The following TACR2 variants were observed in gnomAD, a reference collection of about 807,000 sequenced individuals.
TACR2 encodes the protein substance-K receptor.
A neutral mutation model predicts 28.9 loss-of-function variants in TACR2; 24 were observed. The observed-to-expected ratio is 0.83, with a 90% CI of 0.60 to 1.17. The LOEUF is 1.17. TACR2 is among the 50% of genes most tolerant of loss of function. TACR2 has a pLI of 0.00. For missense variants in TACR2, 487 were observed against 524.4 expected (o/e 0.93, Z 0.70); for synonymous variants, 222 against 212.6 (o/e 1.04, Z -0.38).
chr10:69,408,071 T>C (rs78887469), intron 3 of TACR2, among the ~76,000 whole-genome samples: 6,583 of 151,924 alleles, frequency 0.043, 411 homozygotes, highest in African/African-American at 0.14. Context: ...TGTTGCCTGG[T>C]AGGAAGGGGG....
chr10:69,406,055 C>T (rs940922331), intron 4 of TACR2, among the ~76,000 whole-genome samples: 1 of 152,180 alleles, frequency 6.6e-6, no homozygotes, highest in African/African-American at 2.4e-5. Context: ...AGAGTTCTGG[C>T]CTCCTGCAAA....
intron 2 of TACR2, among the ~76,000 whole-genome samples, chr10:69,409,751 C>A (rs941417040): frequency 1.3e-5 from 2 of 151,266 alleles, no homozygotes; most frequent in African/African-American, 4.9e-5. Flanking sequence ...CAGTATATAT[C>A]TATATAGAGA....
At chr10:69,413,349 T>G (rs563193944) in intron 2 of TACR2, among the ~76,000 whole-genome samples, 2 of 152,212 alleles carry the variant, frequency 1.3e-5, no homozygotes, top group African/African-American at 4.8e-5. Context: ...CCGCCTGTTT[T>G]TCCCAGTCGC....
At chr10:69,415,861 A>C in intron 1 of TACR2, 71 bp downstream of exon 1, 1 of 1,544,378 alleles carries the variant, frequency 6.5e-7, no homozygotes, top group Non-Finnish European at 8.8e-7. Context: ...AATCACAGGC[A>C]TGTCACCACC....
chr10:69,415,917 C>A lies in TACR2; in HGVS notation c.392+15G>T. The A allele has an allele frequency of 1.2e-6, 2 of 1,609,262 alleles. No individual in the cohort carries two copies. The highest frequency in any genetic ancestry group is 2.2e-5 in the South Asian group (2 of 90,820). On this transcript the variant is annotated intron_variant, in intron 1 of 4. Transcript: ENST00000373306. ...GTGGGGAGGCTCCCCCCAGCTTCCC[C>A]AAGGACCCTCTTGCCTGTCGGCAGC...
chr10:69,408,657 C>T (rs571826745), intron 3 of TACR2, among the ~76,000 whole-genome samples: 99 of 152,310 alleles, frequency 6.5e-4, no homozygotes, highest in Non-Finnish European at 1.2e-3. Flanking sequence ...ATCCGCCCGG[C>T]TGGGAGGAAC....
At chr10:69,405,767 G>A (rs1378906774) in intron 4 of TACR2, among the ~76,000 whole-genome samples, 1 of 152,192 alleles carries the variant, frequency 6.6e-6, no homozygotes, top group Non-Finnish European at 1.5e-5. Flanking sequence ...TCTCCCTTGG[G>A]TAGCAGGAGA....
In TACR2 at chr10:69,408,955, A is replaced by C; in HGVS notation, c.708T>G (p.Gly236=). Residue 236 remains glycine, a synonymous_variant, in exon 3 of 5, where the codon GGT becomes GGG. Coordinates refer to ENST00000373306, the MANE Select transcript of TACR2 (RefSeq NM_001057.3). ...TGGCCTGCAGGTGGCGCAGGTTGGCACCGTGCGCCTGATGTCCGGGCACTG... is the reference window on the plus strand; with the variant it reads ...TGGCCTGCAGGTGGCGCAGGTTGGCCCCGTGCGCCTGATGTCCGGGCACTG... ...RRAVPGHQAH[G]ANLRHLQAMK... is the part of the protein sequence containing the mutation. 6.3e-7 allele frequency: 1 copy of C among 1,583,588 alleles called. No homozygotes were observed. Among genetic ancestry groups the C allele is most frequent in the Non-Finnish European group, 8.6e-7 (1 of 1,168,324 alleles).
rs770340838 is a variant in TACR2 at position 69,416,140 on chromosome 10, G to A, written c.184C>T (p.Arg62Trp). ...TAGTTGGTGACTGTGCGCATCCTCCGATGGGCCAGGATGATCCAGATGACG... is the reference window on the plus strand; with the variant it reads ...TAGTTGGTGACTGTGCGCATCCTCCAATGGGCCAGGATGATCCAGATGACG... ...AIVIWIILAH[R>W]RMRTVTNYFI... is the part of the protein sequence containing the mutation. Residue 62 changes from arginine (R) to tryptophan (W), a missense_variant, in exon 1 of 5, where the codon CGG becomes TGG. By Grantham distance (101) the Arg-to-Trp change is moderately radical. Coordinates refer to ENST00000373306, the MANE Select transcript of TACR2 (RefSeq NM_001057.3). 10 of 1,614,056 alleles carry A rather than the reference G, an allele frequency of 6.2e-6. No homozygotes were observed. In the African/African-American group the frequency reaches 8.0e-5, roughly 13 times the overall value.
intron 3 of TACR2, 100 bp from the exon 4 acceptor site, chr10:69,407,380 G>T: frequency 8.6e-7 from 1 of 1,167,360 alleles, no homozygotes; most frequent in Non-Finnish European, 1.2e-6. Context: ...CCTGGGAACT[G>T]CTCCACACAC....
chr10:69,408,810 CGTCCCACCCCCGT>C, intron 3 of TACR2, 99 bp downstream of exon 3: 1 of 63,410 alleles, frequency 1.6e-5, no homozygotes, highest in Non-Finnish European at 3.2e-5. Context: ...GTCCCGCCCC[CGTCCCACCCCCGT>C]CCCACCCCGT....
At chr10:69,405,132 G>A in intron 4 of TACR2, 48 bp from the exon 5 acceptor site, 1 of 1,516,098 alleles carries the variant, frequency 6.6e-7, no homozygotes, top group Non-Finnish European at 9.1e-7. Context: ...GGGCTCAGGA[G>A]CTGTGATGTG....
chr10:69,416,487 A>C lies in TACR2; in HGVS notation c.-164T>G, dbSNP rs771180022. On this transcript the variant is annotated 5_prime_UTR_variant, in exon 1 of 5. The change abolishes the stop of an existing upstream ORF in the 5' untranslated region. Transcript: ENST00000373306. ...GAGCCTGGGGCCACTCCTAGGTCTC[A>C]GGCAAAGATGAGCTGGGCTGAGCAC... 2 of 895,980 alleles carry C rather than the reference A, an allele frequency of 2.2e-6. No individual in the cohort carries two copies. The highest frequency in any genetic ancestry group is 3.3e-6 in the Non-Finnish European group (2 of 611,202). 55.5% of individuals were successfully genotyped at this position (895,980 alleles called of 1,614,324 possible). A position where few individuals can be genotyped will look rare whatever the true frequency, so the allele number is the denominator to read the frequency against.
rs547364415 is a variant in TACR2 at position 69,407,247 on chromosome 10, A to C, written c.775T>G (p.Phe259Val). Reference protein sequence around the residue: ...VKTMVLVVLTFAICWLPYHLY... With the variant: ...VKTMVLVVLTVAICWLPYHLY... ...TGGTAGGGCAGCCAGCAGATGGCAA[A>C]CGTCAGCACCACCAGCACCATGGTC... The change falls in exon 4 of 5, where the codon TTT (phenylalanine) becomes GTT (valine). Residue 259 changes from phenylalanine to valine, a missense_variant. Physicochemically the swap from Phe to Val is conservative, Grantham distance 50. Transcript: ENST00000373306. 1.9e-6 allele frequency: 3 copies of C among 1,613,584 alleles called. No individual in the cohort carries two copies. In the South Asian group the frequency reaches 3.3e-5, roughly 18 times the overall value.
intron 2 of TACR2, among the ~76,000 whole-genome samples, chr10:69,409,923 A>ATATATG (rs1554827812): frequency 3.9e-5 from 3 of 76,464 alleles, no homozygotes; most frequent in African/African-American, 6.2e-5. Flanking sequence ...ATATATATAT[A>ATATATG]TATATATATA....
intron 2 of TACR2, among the ~76,000 whole-genome samples, chr10:69,411,412 A>G (rs190628268): frequency 2.0e-5 from 3 of 152,354 alleles, no homozygotes; most frequent in Non-Finnish European, 2.9e-5. Context: ...AGCAAAATTG[A>G]TAACAGCCCT....
At chr10:69,411,972 C>T (rs1840572673) in intron 2 of TACR2, among the ~76,000 whole-genome samples, 1 of 152,132 alleles carries the variant, frequency 6.6e-6, no homozygotes, top group Non-Finnish European at 1.5e-5. Flanking sequence ...GCTGAGATTA[C>T]AGGTGCCTGC....
chr10:69,415,127 G>A lies in TACR2; in HGVS notation c.405C>T (p.Ile135=), dbSNP rs913231363. 6 of 1,611,712 alleles carry A rather than the reference G, an allele frequency of 3.7e-6. No individual in the cohort carries two copies. The highest frequency in any genetic ancestry group is 3.3e-5 in the Admixed American group (2 of 59,996). ...AAAGCCGAGGCTGGAAGGGGTGGAC[G>A]ATGGCCATGTACCTGTGAGCAGAGG... ...TAIAADRYMA[I]VHPFQPRLSA... Residue 135 remains isoleucine (I), a synonymous_variant, in exon 2 of 5, where the codon ATC becomes ATT. Transcript: ENST00000373306.
chr10:69,404,980 A>T lies in TACR2; in HGVS notation c.1043T>A (p.Val348Asp). ...LTPTTSLSTR[V>D]NRCHTKETLF... ...AGTCTCCTTAGTGTGACACCTGTTG[A>T]CTCTCGTGGAGAGGGAGGTCGTGGG... is the stretch of plus-strand genomic sequence containing the variant. The change falls in exon 5 of 5, where the codon GTC becomes GAC. Residue 348 changes from valine to aspartate, a missense_variant. Val to Asp is a radical substitution (Grantham distance 152, BLOSUM62 -3). Coordinates refer to ENST00000373306, the MANE Select transcript of TACR2 (RefSeq NM_001057.3). The T allele has an allele frequency of 6.2e-7, 1 of 1,613,970 alleles. No homozygotes were observed. The highest frequency in any genetic ancestry group is 8.5e-7 in the Non-Finnish European group (1 of 1,179,964).
Sources: allele counts gnomAD v4.1 joint callset (sites outside exome capture counted in the v4.1 genomes callset), GRCh38; gene constraint gnomAD v4.1.1; transcripts MANE v1.5; gene names NCBI Gene and HGNC (gene_info 2026-07-23, HGNC 2026-07-21).